Variants in ANO2 observed in about 807,000 individuals in gnomAD.
ANO2 encodes anoctamin 2, also known as anoctamin-2.
ANO2 carries 101 observed loss-of-function variants against 124.2 expected under a neutral mutation model. The ratio of observed to expected loss-of-function variants is 0.81; its 90% CI spans 0.69 to 0.96. ANO2 has a LOEUF of 0.96. Ranked by LOEUF, ANO2 falls within the 40% of genes least tolerant of loss-of-function variation. The probability of loss-of-function intolerance (pLI) is 0.00; values close to 1 mark genes in which losing one functional copy is unlikely to be tolerated. For missense variants in ANO2, 1,293 were observed against 1,274.5 expected (o/e 1.01, Z -0.22); for synonymous variants, 486 against 482.5 (o/e 1.01, Z -0.09).
At chr12:5,667,648 C>T (rs567449445) in intron 14 of ANO2, among the ~76,000 whole-genome samples, 2 of 152,250 alleles carry the variant, frequency 1.3e-5, no homozygotes, top group East Asian at 3.9e-4. Context: ...CAACCCATCA[C>T]CTAGGTATTA....
chr12:5,626,916 C>A (rs1365544162), intron 16 of ANO2, among the ~76,000 whole-genome samples: 1 of 152,146 alleles, frequency 6.6e-6, no homozygotes, highest in Non-Finnish European at 1.5e-5. Context: ...AGTCCCTGGG[C>A]TCCTAGAAAA....
At chr12:5,752,870 T>C (rs1392211784) in intron 10 of ANO2, among the ~76,000 whole-genome samples, 1 of 152,188 alleles carries the variant, frequency 6.6e-6, no homozygotes, top group Non-Finnish European at 1.5e-5. Flanking sequence ...CTTTAATCCA[T>C]TTTAAGTTGG....
chr12:5,847,425 A>C (rs537017231), intron 4 of ANO2, among the ~76,000 whole-genome samples: 1 of 149,038 alleles, frequency 6.7e-6, no homozygotes, highest in Non-Finnish European at 1.5e-5. Context: ...AATTGTATTA[A>C]TCAATTCCTC....
At chr12:5,781,668 A>G (rs1343802409) in intron 10 of ANO2, among the ~76,000 whole-genome samples, 1 of 152,206 alleles carries the variant, frequency 6.6e-6, no homozygotes, top group Non-Finnish European at 1.5e-5. Flanking sequence ...TCAAAAAAGA[A>G]TTGTACATAA....
chr12:5,739,265 A>G (rs745711235), intron 13 of ANO2, 52 bp downstream of exon 13: 1 of 1,496,246 alleles, frequency 6.7e-7, no homozygotes, highest in Non-Finnish European at 9.1e-7. Flanking sequence ...TCCAGGGTCA[A>G]AACAAAGCAA....
chr12:5,722,567 C>T (rs1384177574), intron 14 of ANO2, among the ~76,000 whole-genome samples: 1 of 152,126 alleles, frequency 6.6e-6, no homozygotes, highest in Non-Finnish European at 1.5e-5. Flanking sequence ...TGAGGTAATA[C>T]TGTGTGGCGG....
intron 16 of ANO2, among the ~76,000 whole-genome samples, chr12:5,629,231 G>A (rs1945576758): frequency 6.6e-6 from 1 of 152,170 alleles, no homozygotes; most frequent in Admixed American, 6.5e-5. Context: ...AGACAAGAAG[G>A]AAAAGGAGGC....
At chr12:5,851,640 A>G (rs1340836674) in intron 4 of ANO2, among the ~76,000 whole-genome samples, 1 of 149,794 alleles carries the variant, frequency 6.7e-6, no homozygotes, top group African/African-American at 2.5e-5. Context: ...AGCCGAGATC[A>G]CACCACTGCA....
At chr12:5,943,142 A>G (rs907758797) in intron 1 of ANO2, among the ~76,000 whole-genome samples, 2 of 152,230 alleles carry the variant, frequency 1.3e-5, no homozygotes, top group Non-Finnish European at 2.9e-5. Context: ...TGAAGTCATT[A>G]TATAAAAAAG....
At chr12:5,604,990 C>T (rs1944145888) in intron 19 of ANO2, among the ~76,000 whole-genome samples, 1 of 152,000 alleles carries the variant, frequency 6.6e-6, no homozygotes. Context: ...CAGAGCATTC[C>T]CTCTGCCTGT....
chr12:5,650,798 A>C (rs1274389197), intron 14 of ANO2, among the ~76,000 whole-genome samples: 1 of 152,208 alleles, frequency 6.6e-6, no homozygotes, highest in Non-Finnish European at 1.5e-5. Flanking sequence ...GACCTTGGGA[A>C]ATTCCCAGAT....
intron 10 of ANO2, among the ~76,000 whole-genome samples, chr12:5,784,426 G>A (rs1398336647): frequency 6.6e-6 from 1 of 152,216 alleles, no homozygotes; most frequent in Non-Finnish European, 1.5e-5. Flanking sequence ...TCCTGCCACA[G>A]TGTAAGTATT....
intron 1 of ANO2, among the ~76,000 whole-genome samples, chr12:5,936,567 T>C (rs899285563): frequency 9.2e-5 from 14 of 152,200 alleles, no homozygotes; most frequent in African/African-American, 3.4e-4. Context: ...GACACCTTGA[T>C]CCTGGACTTC....
At chr12:5,711,572 C>T (rs1949821408) in intron 14 of ANO2, among the ~76,000 whole-genome samples, 1 of 152,194 alleles carries the variant, frequency 6.6e-6, no homozygotes, top group Non-Finnish European at 1.5e-5. Context: ...TTGCAGGTCT[C>T]ATATACGTAA....
chr12:5,853,238 G>A (rs1188746167), intron 4 of ANO2, among the ~76,000 whole-genome samples: 5 of 146,780 alleles, frequency 3.4e-5, no homozygotes, highest in African/African-American at 1.3e-4. Context: ...CTGACTTCAA[G>A]AGATCCTTCC....
intron 14 of ANO2, among the ~76,000 whole-genome samples, chr12:5,648,360 G>T (rs993294384): frequency 2.6e-5 from 4 of 152,158 alleles, no homozygotes; most frequent in Non-Finnish European, 5.9e-5. Flanking sequence ...CCTCAAAGAG[G>T]CTACATGTAG....
rs1293542683 is a variant in ANO2, at chr12:5,732,056, G to C, written c.1545+464C>G. Among the ~76,000 whole-genome samples the C allele has an allele frequency of 2.0e-5, 3 of 152,094 alleles. No individual in the cohort carries two copies. The South Asian group carries it at 6.2e-4, about 32-fold the overall frequency. The stretch of plus-strand genomic sequence containing the variant: ...ACCTCTGGCAAATGACTTAATCTGT[G>C]GACATAACTTTTTTCATGAGCCTTC... On this transcript the variant is annotated intron_variant, in intron 14 of 24. Coordinates refer to ENST00000682330, the MANE Select transcript of ANO2 (RefSeq NM_001364791.2).
At chr12:5,893,649 C>G (rs1416466845) in intron 3 of ANO2, among the ~76,000 whole-genome samples, 1 of 151,500 alleles carries the variant, frequency 6.6e-6, no homozygotes, top group African/African-American at 2.4e-5. Context: ...TAGCCCCCCA[C>G]CCCACAACAG....
intron 14 of ANO2, among the ~76,000 whole-genome samples, chr12:5,689,101 A>G (rs1237199853): frequency 6.6e-6 from 1 of 152,174 alleles, no homozygotes; most frequent in African/African-American, 2.4e-5. Flanking sequence ...ATTTGAGGAA[A>G]AAAACAAATT....
Sources: allele counts gnomAD v4.1 joint callset (sites outside exome capture counted in the v4.1 genomes callset), GRCh38; gene constraint gnomAD v4.1.1; transcripts MANE v1.5; gene names NCBI Gene and HGNC (gene_info 2026-07-23, HGNC 2026-07-21).